Variants in WDR87 observed in about 807,000 individuals in gnomAD.
WDR87 encodes WD repeat domain 87.
Under a neutral mutation model 83.3 loss-of-function variants are expected in WDR87, and 56 were observed. That is an observed-to-expected ratio of 0.67 (90% CI 0.54 to 0.84). The LOEUF (loss-of-function observed/expected upper bound fraction) is 0.84, where lower values mean the gene tolerates loss of function less well. Among genes scored for constraint, WDR87 ranks in the 40% least tolerant of loss-of-function variants. WDR87 has a pLI of 0.00. For synonymous variants in WDR87, 1,173 were observed against 1,250.6 expected, an observed-to-expected ratio of 0.94 and a Z score of 1.31; for missense variants, 2,939 against 3,431.9, an observed-to-expected ratio of 0.86 and a Z score of 3.59.
rs566790427 is a variant in WDR87, at chr19:37,893,208, C to T, written c.2495G>A (p.Arg832His). 29 of 1,551,758 alleles carry T rather than the reference C, an allele frequency of 1.9e-5. No individual in the cohort carries two copies. Among genetic ancestry groups the T allele is most frequent in the South Asian group, 2.4e-5 (2 of 84,068 alleles). The change falls in exon 4 of 6, where the codon CGT (arginine) becomes CAT (histidine). Residue 832 changes from arginine to histidine, a missense_variant. By Grantham distance (29) the Arg-to-His change is conservative. Coordinates refer to ENST00000447313, the MANE Select transcript of WDR87 (RefSeq NM_001291088.2). ...TATTGGGGTGCCCTCTGGCCAAAGA[C>T]GGGCACGAATCACTGAATTGGGGAT... ...CYIPNSVIRA[R>H]LWPEGTPIYL...
chr19:37,886,702 CTCT>C lies in WDR87; in HGVS notation c.6966_6968del (p.Glu2325del), dbSNP rs771292355. 1.3e-4 allele frequency: 195 copies of C among 1,448,352 alleles called. No homozygotes were observed. Among genetic ancestry groups the C allele is most frequent in the Non-Finnish European group, 1.7e-4 (186 of 1,066,168 alleles). 89.7% of individuals were successfully genotyped at this position (1,448,352 alleles called of 1,614,324 possible). On this transcript the variant is annotated inframe_deletion, in exon 6 of 6. Coordinates refer to ENST00000447313, the MANE Select transcript of WDR87 (RefSeq NM_001291088.2). ...CCTTTTTCTTCTTCTTCTTCTCCTC[CTCT>C]TCTTTCTCCACTTGCTTCTCCTCCC...
intron 1 of WDR87, among the ~76,000 whole-genome samples, chr19:37,905,563 A>ATTT (rs36052498): frequency 1.4e-5 from 2 of 147,956 alleles, no homozygotes; most frequent in South Asian, 4.3e-4. Flanking sequence ...CACATATATA[A>ATTT]TTTTTTTTTT....
At position 37,892,831 on chromosome 19, in the gene WDR87, G is replaced by T. The variant is rs868014527; in HGVS notation, c.2872C>A (p.Arg958Ser). The T allele has an allele frequency of 1.9e-6, 3 of 1,551,812 alleles. No individual in the cohort carries two copies. Among genetic ancestry groups the T allele is most frequent in the South Asian group, 1.2e-5 (1 of 84,062 alleles). The change falls in exon 4 of 6, where the codon CGC becomes AGC. Residue 958 changes from arginine (R) to serine (S), a missense_variant. Transcript: ENST00000447313. ...FASYQVSPAL[R>S]SETARRLLND... ...AGTAGCCGACGGGCTGTCTCAGAGC[G>T]TAGGGCTGGGGACACCTGGTAAGAG...
chr19:37,889,751 T>G lies in WDR87; in HGVS notation c.3920A>C (p.Glu1307Ala), dbSNP rs905913563. Residue 1307 changes from glutamate (E) to alanine (A), a missense_variant, in exon 6 of 6, where the codon GAG becomes GCG. By Grantham distance (107) the Glu-to-Ala change is moderately radical. Coordinates refer to ENST00000447313, the MANE Select transcript of WDR87 (RefSeq NM_001291088.2). Reference sequence around the variant, plus strand: ...CATCTCCTGAGCAAATGTCACTAGCTCAGCGTTTAGGTTTTCTGACATTTT... The same window carrying G: ...CATCTCCTGAGCAAATGTCACTAGCGCAGCGTTTAGGTTTTCTGACATTTT... The part of the protein sequence containing the change: ...QTKMSENLNA[E>A]LVTFAQEMLV... The G allele has an allele frequency of 1.3e-6, 2 of 1,551,588 alleles. No individual in the cohort carries two copies. Among genetic ancestry groups the G allele is most frequent in the African/African-American group, 2.7e-5 (2 of 73,028 alleles).
chr19:37,894,689 G>A lies in WDR87; in HGVS notation c.1014C>T (p.Phe338=). The A allele has an allele frequency of 1.3e-6, 2 of 1,551,714 alleles. No individual in the cohort carries two copies. Among genetic ancestry groups the A allele is most frequent in the Non-Finnish European group, 8.7e-7 (1 of 1,146,984 alleles). Reference sequence around the variant, plus strand: ...AAAAACTATGGGCAGTTTGGCAGAAGAAAGTAATGCTGTCAATAAACTGGA... The same window carrying A: ...AAAAACTATGGGCAGTTTGGCAGAAAAAAGTAATGCTGTCAATAAACTGGA... The part of the protein sequence containing the change: ...YRLQFIDSIT[F]FCQTAHSFSL... Residue 338 remains phenylalanine (F), a synonymous_variant, in exon 4 of 6, where the codon TTC becomes TTT. Coordinates refer to ENST00000447313, the MANE Select transcript of WDR87 (RefSeq NM_001291088.2).
Position 37,888,617 on chromosome 19 carries a change from T to TG in WDR87, c.5053dup (p.Gln1685ProfsTer29). 4 of 1,552,064 alleles carry TG rather than the reference T, an allele frequency of 2.6e-6. No individual in the cohort carries two copies. Among genetic ancestry groups the TG allele is most frequent in the South Asian group, 1.2e-5 (1 of 84,048 alleles). On this transcript the variant is annotated frameshift_variant, in exon 6 of 6. Transcript: ENST00000447313. LOFTEE classifies it low-confidence loss of function (END_TRUNC). ...CTCCTGGCTTAGCTTCTCCCCTCTT[T>TG]GGGCCAGTGTTTCCTCTTTCTGGGC...
rs1364878749 is a variant in WDR87, at chr19:37,893,057, C to A, written c.2646G>T (p.Glu882Asp). The A allele has an allele frequency of 6.4e-7, 1 of 1,551,734 alleles. No homozygotes were observed. The highest frequency in any genetic ancestry group is 8.7e-7 in the Non-Finnish European group (1 of 1,147,020). Residue 882 changes from glutamate (E) to aspartate (D), a missense_variant, in exon 4 of 6, where the codon GAG (glutamate) becomes GAT (aspartate). This residue lies in a region of WDR87 where 2,160 missense variants were observed against 2,533.1 expected (regional missense o/e 0.85). Coordinates refer to ENST00000447313, the MANE Select transcript of WDR87 (RefSeq NM_001291088.2). The part of the protein sequence containing the change: ...SNTEYPKNKE[E>D]DEHFLEMRLS... Reference sequence around the variant, plus strand: ...GTCTCATTTCTAGGAAGTGTTCATCCTCCTCCTTATTCTTTGGATATTCTG... The same window carrying A: ...GTCTCATTTCTAGGAAGTGTTCATCATCCTCCTTATTCTTTGGATATTCTG...
At position 37,892,657 on chromosome 19, in the gene WDR87, G is replaced by A. The variant is rs537660198; in HGVS notation, c.3046C>T (p.Leu1016Phe). The change falls in exon 4 of 6, where the codon CTC becomes TTC. Residue 1016 changes from leucine (L) to phenylalanine (F), a missense_variant. This residue lies in a region of WDR87 where 2,160 missense variants were observed against 2,533.1 expected (regional missense o/e 0.85). Coordinates refer to ENST00000447313, the MANE Select transcript of WDR87 (RefSeq NM_001291088.2). ...GAGTGGATTCCAATCTCAGCCATGAGGCTTAGGGTCTTGATCCTCACTCTT... is the reference window on the plus strand; with the variant it reads ...GAGTGGATTCCAATCTCAGCCATGAAGCTTAGGGTCTTGATCCTCACTCTT... ...DERVRIKTLSLMAEIGIHSRT... is the reference protein window; with the variant it reads ...DERVRIKTLSFMAEIGIHSRT... 15 of 1,551,440 alleles carry A rather than the reference G, an allele frequency of 9.7e-6. No homozygotes were observed. In the South Asian group the frequency reaches 1.4e-4, roughly 15 times the overall value.
At chr19:37,902,419 T>C (rs1484098547) in intron 1 of WDR87, among the ~76,000 whole-genome samples, 1 of 151,582 alleles carries the variant, frequency 6.6e-6, no homozygotes, top group East Asian at 2.0e-4. Flanking sequence ...GGTTTTACCA[T>C]GTTGGCCAGG....
chr19:37,896,342 G>A (rs1341664129), intron 2 of WDR87, 34 bp from the exon 3 acceptor site: 1 of 1,542,568 alleles, frequency 6.5e-7, no homozygotes, highest in Non-Finnish European at 8.8e-7. Context: ...TAAGAGGCCA[G>A]GGCACAGAGG....
Position 37,892,605 on chromosome 19 carries a change from T to C in WDR87, c.3098A>G (p.Gln1033Arg), listed in dbSNP as rs1440964611. 6.7e-7 allele frequency: 1 copy of C among 1,499,588 alleles called. No homozygotes were observed. The allele number at this position is 1,499,588 out of a possible 1,614,324, so 92.9% of individuals were successfully genotyped here. A position where few individuals can be genotyped will look rare whatever the true frequency, so the allele number is the denominator to read the frequency against. ...CATCTCCCGAAAAGTCTCTTGTTTTTGGGTCAGCTGTAAGAGTGAGGTCCT... is the reference window on the plus strand; with the variant it reads ...CATCTCCCGAAAAGTCTCTTGTTTTCGGGTCAGCTGTAAGAGTGAGGTCCT... ...HSRTSLLQLT[Q>R]KQETFREMQQ... The change falls in exon 4 of 6, where the codon CAA (glutamine) becomes CGA (arginine). Residue 1033 changes from glutamine to arginine, a missense_variant. Gln to Arg is a conservative substitution (Grantham distance 43). This residue lies in a region of WDR87 where 2,160 missense variants were observed against 2,533.1 expected (regional missense o/e 0.85). Coordinates refer to ENST00000447313, the MANE Select transcript of WDR87 (RefSeq NM_001291088.2).
intron 1 of WDR87, among the ~76,000 whole-genome samples, chr19:37,901,257 C>G (rs922076815): frequency 2.0e-5 from 3 of 151,520 alleles, no homozygotes; most frequent in Non-Finnish European, 2.9e-5. Context: ...ATGGTAAAAC[C>G]CTGTCTCTAC....
At chr19:37,901,697 CTA>C (rs1208113931) in intron 1 of WDR87, among the ~76,000 whole-genome samples, 1 of 151,954 alleles carries the variant, frequency 6.6e-6, no homozygotes, top group Non-Finnish European at 1.5e-5. Flanking sequence ...CCCCAAATCT[CTA>C]TGTTTATTTA....
At chr19:37,903,282 G>A (rs1479285950) in intron 1 of WDR87, among the ~76,000 whole-genome samples, 1 of 152,212 alleles carries the variant, frequency 6.6e-6, no homozygotes, top group Non-Finnish European at 1.5e-5. Context: ...TACTGATAAG[G>A]AGCCCAAGTT....
At chr19:37,897,631 C>T (rs2046266443) in intron 2 of WDR87, among the ~76,000 whole-genome samples, 1 of 152,102 alleles carries the variant, frequency 6.6e-6, no homozygotes, top group African/African-American at 2.4e-5. Context: ...TGCCTGTGAT[C>T]CCAGCACTTT....
Position 37,889,459 on chromosome 19 carries a change from C to G in WDR87, c.4212G>C (p.Val1404=). The change falls in exon 6 of 6, where the codon GTG becomes GTC. Residue 1404 remains valine (V), a synonymous_variant. Transcript: ENST00000447313. Reference sequence around the variant, plus strand: ...TAACTTTCTTGCCCTTTTTCAAAATCACTTGGGTTTCCTCCAAGCCCAGCA... The same window carrying G: ...TAACTTTCTTGCCCTTTTTCAAAATGACTTGGGTTTCCTCCAAGCCCAGCA... ...RDMLGLEETQ[V]ILKKGKKVIF... is the part of the protein sequence containing the mutation. The G allele has an allele frequency of 6.4e-7, 1 of 1,551,558 alleles. No homozygotes were observed. The highest frequency in any genetic ancestry group is 1.7e-4 in the Middle Eastern group (1 of 5,994).
At position 37,894,973 on chromosome 19, in the gene WDR87, T is replaced by C. The variant is rs764141340; in HGVS notation, c.730A>G (p.Ile244Val). 6.0e-5 allele frequency: 93 copies of C among 1,551,536 alleles called. No homozygotes were observed. Among genetic ancestry groups the C allele is most frequent in the Non-Finnish European group, 7.5e-5 (86 of 1,146,996 alleles). ...RFTSTSSGSS[I>V]TCCFTCFDQG... ...TCAAAACAGGTGAAGCAGCAGGTGA[T>C]GGAGGAGCCGCTGCTGGTGGACGTG... is the stretch of plus-strand genomic sequence containing the variant. The change falls in exon 4 of 6, where the codon ATC (isoleucine) becomes GTC (valine). Residue 244 changes from isoleucine (I) to valine (V), a missense_variant. Ile to Val is a conservative substitution (Grantham distance 29, BLOSUM62 3). Coordinates refer to ENST00000447313, the MANE Select transcript of WDR87 (RefSeq NM_001291088.2).
In WDR87 at chr19:37,894,910, T is replaced by A; in HGVS notation, c.793A>T (p.Ile265Phe). ...CCCTGCTGGAGGCTCCAAACTTGGA[T>A]TTCCCCAGCTTGGTTTCCAGCATAG... ...FLYAGNQAGE[I>F]QVWSLQQGHP... Residue 265 changes from isoleucine to phenylalanine, a missense_variant, in exon 4 of 6, where the codon ATC (isoleucine) becomes TTC (phenylalanine). Physicochemically the swap from Ile to Phe is conservative, Grantham distance 21. Transcript: ENST00000447313. 1 of 1,551,682 alleles carries A rather than the reference T, an allele frequency of 6.4e-7. No individual in the cohort carries two copies. The highest frequency in any genetic ancestry group is 8.7e-7 in the Non-Finnish European group (1 of 1,146,986).
chr19:37,905,296 A>G (rs2046318159), intron 1 of WDR87, among the ~76,000 whole-genome samples: 2 of 151,812 alleles, frequency 1.3e-5, no homozygotes, highest in South Asian at 4.1e-4. Context: ...CCTAACTTGG[A>G]ATAATATTTT....
Sources: gnomAD v4.1 joint callset for allele counts (sites outside exome capture counted in the v4.1 genomes callset) on GRCh38, gnomAD v4.1.1 for gene constraint, gnomAD v4.1.1 regional missense constraint, MANE v1.5 for transcripts, NCBI Gene and HGNC (gene_info 2026-07-23, HGNC 2026-07-21) for gene names.